TBXAS1: variants seen among roughly 807,000 people sequenced by gnomAD.
TBXAS1 encodes thromboxane-A synthase.
TBXAS1 carries 48 observed loss-of-function variants against 60.7 expected under a neutral mutation model. The observed-to-expected ratio is 0.79, with a 90% CI of 0.63 to 1.01. The LOEUF (loss-of-function observed/expected upper bound fraction) is 1.01. Among genes scored for constraint, TBXAS1 ranks in the 50% least tolerant of loss-of-function variants. The pLI is 0.00. For missense variants in TBXAS1, 685 were observed against 686.3 expected, an observed-to-expected ratio of 1.00 and a Z score of 0.02; for synonymous variants, 287 against 269.7, an observed-to-expected ratio of 1.06 and a Z score of -0.63.
chr7:139,962,785 C>T (rs79824435), intron 9 of TBXAS1: 3,871 of 167,194 alleles, frequency 0.023, 170 homozygotes, highest in African/African-American at 0.087. Context: ...CCCTCTTGAT[C>T]GTTTATAGCA....
At chr7:139,850,245 A>G (rs1470630163) in intron 1 of TBXAS1, among the ~76,000 whole-genome samples, 1 of 152,218 alleles carries the variant, frequency 6.6e-6, no homozygotes, top group East Asian at 1.9e-4. Flanking sequence ...GTTTCTTGCA[A>G]TCCAGAATCA....
At chr7:139,925,849 C>T (rs767681395) in intron 4 of TBXAS1, among the ~76,000 whole-genome samples, 37 of 152,014 alleles carry the variant, frequency 2.4e-4, no homozygotes, top group Middle Eastern at 3.4e-3. Flanking sequence ...TATGAAGGGA[C>T]GTTGAATTTT....
chr7:139,964,661 G>A (rs937489531), intron 9 of TBXAS1, among the ~76,000 whole-genome samples: 2 of 152,238 alleles, frequency 1.3e-5, no homozygotes, highest in African/African-American at 2.4e-5. Flanking sequence ...CAGAGGCTAG[G>A]AGAGGGGGCA....
intron 9 of TBXAS1, among the ~76,000 whole-genome samples, chr7:139,985,757 TATAGCA>T (rs2117553898): frequency 6.6e-6 from 1 of 152,352 alleles, no homozygotes; most frequent in East Asian, 1.9e-4. Flanking sequence ...TGAGACCCAC[TATAGCA>T]TCCCCCAATG....
chr7:139,953,281 G>T, intron 5 of TBXAS1, 87 bp from the exon 6 acceptor site: 1 of 1,052,414 alleles, frequency 9.5e-7, no homozygotes, highest in Non-Finnish European at 1.5e-6. Flanking sequence ...TTCCCAGAAA[G>T]CACTACATAT....
chr7:139,946,421 A>C (rs2117263778), intron 5 of TBXAS1, among the ~76,000 whole-genome samples: 1 of 152,368 alleles, frequency 6.6e-6, no homozygotes, highest in Admixed American at 6.5e-5. Context: ...TCAAAGTCCT[A>C]AGACTACAAA....
At chr7:139,914,726 G>A (rs776653597) in intron 4 of TBXAS1, among the ~76,000 whole-genome samples, 14 of 151,998 alleles carry the variant, frequency 9.2e-5, no homozygotes, top group Admixed American at 5.2e-4. Context: ...CTCTGGCAGC[G>A]CTCACCATGT....
At chr7:140,002,402 A>G (rs1217593394) in intron 9 of TBXAS1, among the ~76,000 whole-genome samples, 1 of 152,246 alleles carries the variant, frequency 6.6e-6, no homozygotes, top group Non-Finnish European at 1.5e-5. Flanking sequence ...TCAAGGAAGG[A>G]TGGCTGGGAG....
chr7:139,788,879 G>T (rs1797286374), intron 4 of TBXAS1, among the ~76,000 whole-genome samples: 2 of 152,222 alleles, frequency 1.3e-5, no homozygotes, highest in Non-Finnish European at 2.9e-5. Flanking sequence ...CCCAGCAGAA[G>T]TATTTACATC....
At chr7:139,899,012 CTT>C (rs8192822) in intron 3 of TBXAS1, among the ~76,000 whole-genome samples, 2 of 145,886 alleles carry the variant, frequency 1.4e-5, no homozygotes, top group Non-Finnish European at 3.0e-5. Flanking sequence ...TCTCCCTCTC[CTT>C]TTTTTTTTTC....
intron 4 of TBXAS1, among the ~76,000 whole-genome samples, chr7:139,810,958 TTA>T (rs1054696288): frequency 2.6e-5 from 4 of 152,228 alleles, no homozygotes; most frequent in Admixed American, 2.0e-4. Flanking sequence ...CTTGTAGGAA[TTA>T]TATGTTTCTG....
chr7:139,816,820 A>C (rs967869043), intron 4 of TBXAS1, among the ~76,000 whole-genome samples: 4 of 152,106 alleles, frequency 2.6e-5, no homozygotes, highest in Non-Finnish European at 5.9e-5. Flanking sequence ...GTTCTCCAAG[A>C]AATCCTGTCT....
chr7:139,950,820 C>T (rs1464300187), intron 5 of TBXAS1, among the ~76,000 whole-genome samples: 2 of 62,232 alleles, frequency 3.2e-5, no homozygotes, highest in Admixed American at 3.1e-4. Flanking sequence ...CTTCCATCTA[C>T]GGGACCCCCT....
At chr7:139,978,831 C>T (rs1050367111) in intron 9 of TBXAS1, among the ~76,000 whole-genome samples, 2 of 150,146 alleles carry the variant, frequency 1.3e-5, no homozygotes, top group African/African-American at 2.4e-5. Flanking sequence ...GGTGCGTGCT[C>T]GTACTCCCAG....
chr7:139,832,889 C>G (rs191488802), intron 1 of TBXAS1, among the ~76,000 whole-genome samples: 9 of 152,156 alleles, frequency 5.9e-5, no homozygotes, highest in African/African-American at 2.2e-4. Flanking sequence ...AAGATACAGT[C>G]GTTTTCAGAC....
intron 3 of TBXAS1, among the ~76,000 whole-genome samples, chr7:139,893,240 G>T (rs1803785168): frequency 3.3e-5 from 5 of 151,282 alleles, no homozygotes; most frequent in Admixed American, 3.3e-4. Context: ...GTGTATTCCT[G>T]TTCTAAGCCC....
intron 3 of TBXAS1, among the ~76,000 whole-genome samples, chr7:139,884,148 C>G (rs1250961920): frequency 6.6e-6 from 1 of 152,258 alleles, no homozygotes; most frequent in African/African-American, 2.4e-5. Flanking sequence ...GCCCACCGTT[C>G]ACAGCTGAAA....
chr7:139,814,552 C>T (rs1798101189), intron 4 of TBXAS1, among the ~76,000 whole-genome samples: 1 of 152,100 alleles, frequency 6.6e-6, no homozygotes, highest in African/African-American at 2.4e-5. Context: ...AGGCCTCATA[C>T]AAGGTGGGAA....
intron 4 of TBXAS1, among the ~76,000 whole-genome samples, chr7:139,812,566 A>T (rs1798044215): frequency 6.6e-6 from 1 of 152,234 alleles, no homozygotes; most frequent in South Asian, 2.1e-4. Context: ...CTAATTAAAG[A>T]CAGTACTCTT....
Sources: allele counts gnomAD v4.1 joint callset (sites outside exome capture counted in the v4.1 genomes callset), GRCh38; gene constraint gnomAD v4.1.1; transcripts MANE v1.5; gene names NCBI Gene and HGNC (gene_info 2026-07-23, HGNC 2026-07-21).